EDARADD: variants seen among roughly 807,000 people sequenced by gnomAD.
EDARADD encodes EDAR associated via death domain.
Under a neutral mutation model 25.6 loss-of-function variants are expected in EDARADD, and 20 were observed. The observed-to-expected ratio is 0.78, with a 90% CI of 0.55 to 1.14. The LOEUF is 1.14. EDARADD is among the 50% of genes most tolerant of loss of function. EDARADD has a pLI of 0.00. For synonymous variants in EDARADD, 86 were observed against 94.4 expected, an observed-to-expected ratio of 0.91 and a Z score of 0.52; for missense variants, 225 against 270.1, an observed-to-expected ratio of 0.83 and a Z score of 1.17.
intron 3 of EDARADD, among the ~76,000 whole-genome samples, chr1:236,367,817 G>A (rs2102992842): frequency 6.6e-6 from 1 of 152,224 alleles, no homozygotes; most frequent in East Asian, 1.9e-4. Flanking sequence ...CATAATCGGA[G>A]TATACTCTTG....
chr1:236,384,972 T>C (rs1053678783), intron 3 of EDARADD, among the ~76,000 whole-genome samples: 1 of 152,068 alleles, frequency 6.6e-6, no homozygotes, highest in Non-Finnish European at 1.5e-5. Context: ...TAATAATTAA[T>C]ATAAATTAAT....
At chr1:236,469,335 G>A (rs1571955138) in intron 5 of EDARADD, among the ~76,000 whole-genome samples, 4 of 152,026 alleles carry the variant, frequency 2.6e-5, no homozygotes, top group African/African-American at 4.8e-5. Context: ...TTAGCCAGGC[G>A]TGGTGATGGG....
At position 236,395,473 on chromosome 1, in the gene EDARADD, A is replaced by AGGGGAAGGCGGAGGAGGGC. The variant is rs1417303383; in HGVS notation, c.61+969_61+987dup. 19 of 1,502,120 alleles carry AGGGGAAGGCGGAGGAGGGC rather than the reference A, an allele frequency of 1.3e-5. No individual in the cohort carries two copies. Among genetic ancestry groups the AGGGGAAGGCGGAGGAGGGC allele is most frequent in the Non-Finnish European group, 1.7e-5 (19 of 1,128,358 alleles). 93.0% of individuals were successfully genotyped at this position (1,502,120 alleles called of 1,614,324 possible). ...AAGCGAAGGAGGAGAAGAAGAAGGG[A>AGGGGAAGGCGGAGGAGGGC]GGGGAAGGCGGAGGAGGGCAGGGGC... is the stretch of plus-strand genomic sequence containing the variant. On this transcript the variant is annotated intron_variant, in intron 1 of 5. Coordinates refer to ENST00000334232, the MANE Select transcript of EDARADD (RefSeq NM_145861.4). The surrounding 1 kb of genome is among the most constrained non-coding windows in gnomAD (Gnocchi z 6.9).
chr1:236,366,947 C>T (rs374632536), intron 3 of EDARADD, among the ~76,000 whole-genome samples: 7 of 151,774 alleles, frequency 4.6e-5, no homozygotes, highest in South Asian at 2.1e-4. Context: ...CATGGTGGCA[C>T]GCACCAGTAG....
At chr1:236,435,523 G>C (rs1035326544) in intron 4 of EDARADD, among the ~76,000 whole-genome samples, 2 of 152,186 alleles carry the variant, frequency 1.3e-5, no homozygotes, top group African/African-American at 4.8e-5. Flanking sequence ...GGAAGGAATG[G>C]TCACCACCCT....
chr1:236,406,520 C>T (rs1667742156), intron 1 of EDARADD, among the ~76,000 whole-genome samples: 1 of 152,224 alleles, frequency 6.6e-6, no homozygotes, highest in African/African-American at 2.4e-5. Flanking sequence ...ACCTGCCCAG[C>T]ATGGGACCAC....
At chr1:236,453,604 C>T (rs1558129551) in intron 4 of EDARADD, among the ~76,000 whole-genome samples, 1 of 152,104 alleles carries the variant, frequency 6.6e-6, no homozygotes, top group Non-Finnish European at 1.5e-5. Context: ...TTTTACTGTG[C>T]CTCTTCTGTG....
In EDARADD at chr1:236,484,437, G is replaced by T. The variant is rs1053380939; in HGVS notation, c.*1788G>T. On this transcript the variant is annotated 3_prime_UTR_variant, in exon 6 of 6. Transcript: ENST00000334232. This position sits in a 1 kb window ranked among gnomAD's most constrained non-coding sequence, Gnocchi z 4.1. ...GCTGGGCAGCAAGGCTAAGTTTGCC[G>T]GCAGGAACTTCAGAAACCCCCCAGC... The T allele has an allele frequency of 1.9e-6, 3 of 1,609,648 alleles. No homozygotes were observed. Among genetic ancestry groups the T allele is most frequent in the Non-Finnish European group, 1.7e-6 (2 of 1,178,016 alleles).
chr1:236,480,545 T>C (rs984202659), intron 5 of EDARADD, among the ~76,000 whole-genome samples: 1 of 152,084 alleles, frequency 6.6e-6, no homozygotes, highest in Non-Finnish European at 1.5e-5. Flanking sequence ...CCAGAGTTAC[T>C]CCGTCGGTCC....
At chr1:236,371,135 T>C (rs1667168204) in intron 3 of EDARADD, among the ~76,000 whole-genome samples, 1 of 152,246 alleles carries the variant, frequency 6.6e-6, no homozygotes, top group African/African-American at 2.4e-5. Context: ...ATAGATCTTG[T>C]ACATATTTTG....
chr1:236,390,490 T>C (rs957915352), upstream of EDARADD, among the ~76,000 whole-genome samples: 8 of 151,936 alleles, frequency 5.3e-5, no homozygotes, highest in South Asian at 4.2e-4. Context: ...TAGGCGGAGC[T>C]TGCAGTGAGC....
intron 3 of EDARADD, among the ~76,000 whole-genome samples, chr1:236,362,478 A>T (rs2102991684): frequency 6.6e-6 from 1 of 152,318 alleles, no homozygotes; most frequent in South Asian, 2.1e-4. Context: ...TTTGCAAAAC[A>T]CTTCCCCAGC....
intron 2 of EDARADD, among the ~76,000 whole-genome samples, chr1:236,349,893 C>A (rs140042250): frequency 0.012 from 1,756 of 152,250 alleles, 20 homozygotes; most frequent in Non-Finnish European, 0.019. Context: ...AGGCAGATCG[C>A]CTGAGGTCAG....
chr1:236,460,187 C>CT (rs535170345), intron 4 of EDARADD, among the ~76,000 whole-genome samples: 29,483 of 138,492 alleles, frequency 0.21, 3,435 homozygotes, highest in Middle Eastern at 0.26. Flanking sequence ...TTTTTCTTTT[C>CT]TTTTTTTTTT....
chr1:236,425,155 G>A (rs1270520391), intron 3 of EDARADD, among the ~76,000 whole-genome samples: 4 of 152,212 alleles, frequency 2.6e-5, no homozygotes, highest in African/African-American at 9.6e-5. Flanking sequence ...AACCCACTAT[G>A]GCAAGATGAG....
At chr1:236,435,823 A>G (rs74150461) in intron 4 of EDARADD, among the ~76,000 whole-genome samples, 1,731 of 152,286 alleles carry the variant, frequency 0.011, 34 homozygotes, top group African/African-American at 0.039. Flanking sequence ...ATGTTTTCCT[A>G]TAGAAGGTAG....
chr1:236,426,016 C>G (rs1657910583), intron 3 of EDARADD, among the ~76,000 whole-genome samples: 1 of 151,638 alleles, frequency 6.6e-6, no homozygotes, highest in Admixed American at 6.6e-5. Flanking sequence ...CTCACTCTGT[C>G]CCCCAGGCTG....
intron 4 of EDARADD, among the ~76,000 whole-genome samples, chr1:236,461,681 T>G (rs1328937170): frequency 2.0e-5 from 3 of 152,184 alleles, no homozygotes; most frequent in African/African-American, 7.2e-5. Context: ...GCCTATAATT[T>G]AGTTTGCCAC....
chr1:236,434,143 T>G (rs754780990), intron 4 of EDARADD, among the ~76,000 whole-genome samples: 3 of 152,196 alleles, frequency 2.0e-5, no homozygotes, highest in Non-Finnish European at 4.4e-5. Flanking sequence ...AGCCCAAGCT[T>G]GTCCAACCCA....
Sources: gnomAD v4.1 joint callset for allele counts (sites outside exome capture counted in the v4.1 genomes callset) on GRCh38, gnomAD v4.1.1 for gene constraint, Gnocchi (gnomAD v3.1) non-coding constraint, MANE v1.5 for transcripts, NCBI Gene and HGNC (gene_info 2026-07-23, HGNC 2026-07-21) for gene names.